The following CNTN4 variants were observed in gnomAD, a reference collection of about 807,000 sequenced individuals.
CNTN4 encodes the protein contactin-4.
CNTN4 carries 77 observed loss-of-function variants against 122.5 expected under a neutral mutation model. The observed-to-expected ratio is 0.63, with a 90% CI of 0.52 to 0.76. The LOEUF is 0.76. Ranked by LOEUF, CNTN4 falls within the 30% of genes least tolerant of loss-of-function variation. The probability of loss-of-function intolerance (pLI) is 0.00; values close to 1 mark genes in which losing one functional copy is unlikely to be tolerated. For synonymous variants in CNTN4, 512 were observed against 447.0 expected, an observed-to-expected ratio of 1.15 and a Z score of -1.83; for missense variants, 1,256 against 1,259.1, an observed-to-expected ratio of 1.00 and a Z score of 0.04.
At chr3:2,842,920 C>T (rs1289505573) in intron 7 of CNTN4, among the ~76,000 whole-genome samples, 1 of 151,896 alleles carries the variant, frequency 6.6e-6, no homozygotes, top group Admixed American at 6.6e-5. Flanking sequence ...TATAAGTGTC[C>T]TCAGGCTCAA....
chr3:2,168,687 TTTG>T (rs1253178463), intron 2 of CNTN4, among the ~76,000 whole-genome samples: 3 of 152,052 alleles, frequency 2.0e-5, no homozygotes, highest in African/African-American at 4.8e-5. Context: ...TCAACAAAGC[TTTG>T]TTGTTTCTGA....
chr3:2,931,231 T>C (rs1021163413), intron 13 of CNTN4, among the ~76,000 whole-genome samples: 10 of 152,068 alleles, frequency 6.6e-5, no homozygotes, highest in African/African-American at 2.4e-4. Flanking sequence ...AAGGGTGATA[T>C]ACGGACTATT....
intron 3 of CNTN4, among the ~76,000 whole-genome samples, chr3:2,384,605 C>G (rs1230501316): frequency 2.0e-5 from 3 of 152,160 alleles, no homozygotes; most frequent in Admixed American, 6.5e-5. Context: ...CCAGCTAAAT[C>G]AGGACTTAAA....
chr3:2,211,638 A>C (rs1325010266), intron 2 of CNTN4, among the ~76,000 whole-genome samples: 2 of 152,226 alleles, frequency 1.3e-5, no homozygotes, highest in African/African-American at 2.4e-5. Flanking sequence ...ATTTAAAGGA[A>C]AAATTTAGTG....
intron 3 of CNTN4, among the ~76,000 whole-genome samples, chr3:2,430,516 A>G (rs922913081): frequency 1.3e-5 from 2 of 149,658 alleles, no homozygotes; most frequent in East Asian, 2.0e-4. Context: ...CTAGTCGGCC[A>G]TCTTAGAACC....
chr3:2,296,463 C>A (rs1365551094), intron 2 of CNTN4, among the ~76,000 whole-genome samples: 1 of 147,550 alleles, frequency 6.8e-6, no homozygotes, highest in African/African-American at 2.6e-5. Flanking sequence ...GTGGAAGTTA[C>A]TAAAGAACAT....
intron 14 of CNTN4, among the ~76,000 whole-genome samples, chr3:3,001,750 T>G (rs376406428): frequency 2.0e-5 from 3 of 152,326 alleles, no homozygotes; most frequent in African/African-American, 7.2e-5. Context: ...TTTAAATTAT[T>G]AAGTAGATGC....
chr3:2,996,734 A>G (rs1201959578), intron 14 of CNTN4, among the ~76,000 whole-genome samples: 1 of 151,926 alleles, frequency 6.6e-6, no homozygotes, highest in Admixed American at 6.6e-5. Context: ...TGCATTGAAA[A>G]CCTCACATGT....
intron 3 of CNTN4, among the ~76,000 whole-genome samples, chr3:2,486,027 G>A (rs1407799817): frequency 6.6e-6 from 1 of 152,002 alleles, no homozygotes; most frequent in Non-Finnish European, 1.5e-5. Context: ...CACTCTTTGG[G>A]TCCACACTGC....
At chr3:2,346,913 G>A (rs1470862744) in intron 3 of CNTN4, among the ~76,000 whole-genome samples, 1 of 151,924 alleles carries the variant, frequency 6.6e-6, no homozygotes, top group African/African-American at 2.4e-5. Flanking sequence ...TGTGAATATT[G>A]GTATTTCTAA....
chr3:2,157,366 T>A (rs2035766547), intron 2 of CNTN4, among the ~76,000 whole-genome samples: 1 of 152,152 alleles, frequency 6.6e-6, no homozygotes, highest in Non-Finnish European at 1.5e-5. Flanking sequence ...AAGTCCAGTG[T>A]ACATGTGTTT....
intron 4 of CNTN4, among the ~76,000 whole-genome samples, chr3:2,674,052 C>G (rs909371227): frequency 2.0e-5 from 3 of 152,126 alleles, no homozygotes; most frequent in Non-Finnish European, 4.4e-5. Flanking sequence ...GATGCTCCAG[C>G]TGAATGTAGC....
At position 2,852,453 on chromosome 3, in the gene CNTN4, T is replaced by C. The variant is rs183637357; in HGVS notation, c.455-14299T>C. 1.3e-3 allele frequency among the ~76,000 whole-genome samples: 194 copies of C among 152,326 alleles called. 1 individual carries two copies. The highest frequency in any genetic ancestry group is 2.3e-3 in the Non-Finnish European group (156 of 68,026). ...TTCAGAATAAATTTAAAGGAACATG[T>C]AAGTCATCAAATGATTCTATTCACC... On this transcript the variant is annotated intron_variant, in intron 7 of 24. Coordinates refer to ENST00000418658, the MANE Select transcript of CNTN4 (RefSeq NM_175607.3).
chr3:2,323,002 C>G (rs13076695), intron 2 of CNTN4, among the ~76,000 whole-genome samples: 9,971 of 152,178 alleles, frequency 0.066, 403 homozygotes, highest in Middle Eastern at 0.078. Context: ...ATGTCTGACT[C>G]CTGTCATATA....
intron 3 of CNTN4, among the ~76,000 whole-genome samples, chr3:2,463,225 G>C (rs1281252571): frequency 6.6e-6 from 1 of 151,560 alleles, no homozygotes; most frequent in Non-Finnish European, 1.5e-5. Context: ...AAAAACACTT[G>C]ACTTTAAGAC....
intron 13 of CNTN4, among the ~76,000 whole-genome samples, chr3:2,974,403 T>G (rs572984985): frequency 1.3e-5 from 2 of 152,338 alleles, no homozygotes; most frequent in East Asian, 3.9e-4. Flanking sequence ...CTGTTTACCA[T>G]GCACCATCAC....
chr3:2,347,933 TCTC>T (rs766933606), intron 3 of CNTN4, among the ~76,000 whole-genome samples: 24 of 152,136 alleles, frequency 1.6e-4, no homozygotes, highest in Non-Finnish European at 2.2e-4. Flanking sequence ...ACTCTTAATT[TCTC>T]CTCATGTTCA....
intron 4 of CNTN4, among the ~76,000 whole-genome samples, chr3:2,722,522 C>T (rs949605440): frequency 2.6e-5 from 4 of 152,056 alleles, no homozygotes; most frequent in African/African-American, 4.8e-5. Flanking sequence ...CATTTGATAG[C>T]GAAATGAAGA....
intron 2 of CNTN4, among the ~76,000 whole-genome samples, chr3:2,259,721 CCCA>C (rs2040746519): frequency 1.3e-5 from 2 of 152,286 alleles, no homozygotes; most frequent in Admixed American, 6.5e-5. Context: ...TCAGTTTTCT[CCCA>C]CCAAGTCCCT....
Sources: gnomAD v4.1 joint callset for allele counts (sites outside exome capture counted in the v4.1 genomes callset) on GRCh38, gnomAD v4.1.1 for gene constraint, MANE v1.5 for transcripts, NCBI Gene and HGNC (gene_info 2026-07-23, HGNC 2026-07-21) for gene names.